The following KCNAB1 variants were observed in gnomAD, a reference collection of about 807,000 sequenced individuals.
KCNAB1 encodes potassium voltage-gated channel subfamily A regulatory beta subunit 1, also known as voltage-gated potassium channel subunit beta-1.
Under a neutral mutation model 64.6 loss-of-function variants are expected in KCNAB1, and 35 were observed. The ratio of observed to expected loss-of-function variants is 0.54; its 90% confidence interval spans 0.41 to 0.72. KCNAB1 has a LOEUF of 0.72. KCNAB1 is among the 30% of genes least tolerant of loss of function. The pLI is 0.00. For synonymous variants in KCNAB1, 177 were observed against 183.8 expected (o/e 0.96, Z 0.30); for missense variants, 401 against 512.9 (o/e 0.78, Z 2.11).
chr3:156,291,788 C>T (rs1414981896), intron 1 of KCNAB1: 6 of 1,528,388 alleles, frequency 3.9e-6, no homozygotes, highest in Non-Finnish European at 4.4e-6. Flanking sequence ...GACGGCATCC[C>T]CAGGAAGGGG....
At chr3:156,265,710 TG>T (rs1718660580) in intron 1 of KCNAB1, among the ~76,000 whole-genome samples, 1 of 152,306 alleles carries the variant, frequency 6.6e-6, no homozygotes, top group African/African-American at 2.4e-5. Context: ...CTAAAACCTG[TG>T]AGGCCGGGTG....
At chr3:156,176,887 C>A in intron 1 of KCNAB1, 1 of 1,140,250 alleles carries the variant, frequency 8.8e-7, no homozygotes. Flanking sequence ...AACTCTGGGC[C>A]TGTACGCTTC....
intron 1 of KCNAB1, among the ~76,000 whole-genome samples, chr3:156,398,683 C>A (rs1713666487): frequency 6.6e-6 from 1 of 150,406 alleles, no homozygotes; most frequent in Non-Finnish European, 1.5e-5. Flanking sequence ...ACCTATGTAA[C>A]AAACCTACAT....
chr3:156,471,076 G>C (rs1713850115), intron 7 of KCNAB1, among the ~76,000 whole-genome samples: 1 of 152,136 alleles, frequency 6.6e-6, no homozygotes, highest in Non-Finnish European at 1.5e-5. Context: ...TTGCAAGCTA[G>C]ATAGAAAAGC....
chr3:156,357,912 A>G (rs888008194), intron 1 of KCNAB1, among the ~76,000 whole-genome samples: 3 of 151,676 alleles, frequency 2.0e-5, no homozygotes, highest in South Asian at 2.1e-4. Context: ...CTAAAGTTTT[A>G]TGAGAAATCC....
chr3:156,350,366 T>A (rs1395759672), intron 1 of KCNAB1, among the ~76,000 whole-genome samples: 1 of 152,058 alleles, frequency 6.6e-6, no homozygotes, highest in African/African-American at 2.4e-5. Flanking sequence ...CTGGACAATA[T>A]AGTGAGACCC....
chr3:156,360,388 T>C (rs967911043), intron 1 of KCNAB1, among the ~76,000 whole-genome samples: 20 of 152,112 alleles, frequency 1.3e-4, no homozygotes, highest in Admixed American at 1.2e-3. Context: ...TAATGACAGA[T>C]AATTTTTCCT....
At chr3:156,359,093 G>A (rs1237037127) in intron 1 of KCNAB1, among the ~76,000 whole-genome samples, 1 of 152,188 alleles carries the variant, frequency 6.6e-6, no homozygotes, top group Non-Finnish European at 1.5e-5. Context: ...CACCATTCTA[G>A]TTTTATCCTG....
intron 1 of KCNAB1, among the ~76,000 whole-genome samples, chr3:156,334,977 C>G (rs780101280): frequency 2.3e-4 from 35 of 152,324 alleles, no homozygotes; most frequent in Middle Eastern, 6.8e-3. Flanking sequence ...CAGCCTTGCC[C>G]TTCTTTCCCA....
At chr3:156,459,433 T>C (rs1712717861) in intron 4 of KCNAB1, among the ~76,000 whole-genome samples, 1 of 152,096 alleles carries the variant, frequency 6.6e-6, no homozygotes, top group Non-Finnish European at 1.5e-5. Context: ...CAATGTGAGG[T>C]GTCATTGTTC....
intron 1 of KCNAB1, among the ~76,000 whole-genome samples, chr3:156,385,031 C>T (rs1211585972): frequency 6.6e-6 from 1 of 152,146 alleles, no homozygotes; most frequent in Non-Finnish European, 1.5e-5. Context: ...TTCTCCTAAC[C>T]AACCTCCTCA....
At chr3:156,122,836 T>A (rs1041135305) in intron 1 of KCNAB1, among the ~76,000 whole-genome samples, 8 of 152,142 alleles carry the variant, frequency 5.3e-5, no homozygotes, top group African/African-American at 1.9e-4. Context: ...TATTACAGAG[T>A]TCAATGTTTG....
intron 11 of KCNAB1, 65 bp from the exon 12 acceptor site, chr3:156,523,760 GAA>G (rs1480154121): frequency 6.9e-7 from 1 of 1,453,706 alleles, no homozygotes; most frequent in African/African-American, 1.4e-5. Context: ...ATATTTTATT[GAA>G]TTACCATTCT....
At chr3:156,525,210 C>A (rs1348701506) in intron 12 of KCNAB1, among the ~76,000 whole-genome samples, 1 of 151,732 alleles carries the variant, frequency 6.6e-6, no homozygotes, top group African/African-American at 2.4e-5. Context: ...AGGTATTCCC[C>A]AAAGAGGAAT....
chr3:156,228,708 C>T (rs2108430838), intron 1 of KCNAB1, among the ~76,000 whole-genome samples: 1 of 152,286 alleles, frequency 6.6e-6, no homozygotes, highest in East Asian at 1.9e-4. Flanking sequence ...TTTTCTTACC[C>T]TTGACCTAGG....
At chr3:156,183,190 T>C (rs188663762) in intron 1 of KCNAB1, among the ~76,000 whole-genome samples, 202 of 150,066 alleles carry the variant, frequency 1.3e-3, no homozygotes, top group African/African-American at 4.8e-3. Context: ...AGGGGTGGAG[T>C]TGGGGCATAG....
intron 1 of KCNAB1, among the ~76,000 whole-genome samples, chr3:156,314,518 T>C (rs1722146213): frequency 6.6e-6 from 1 of 152,206 alleles, no homozygotes; most frequent in African/African-American, 2.4e-5. Context: ...ACTGCCTCCA[T>C]AAGCCTACCC....
chr3:156,175,420 A>T (rs967770586), intron 1 of KCNAB1, among the ~76,000 whole-genome samples: 1 of 152,186 alleles, frequency 6.6e-6, no homozygotes, highest in African/African-American at 2.4e-5. Context: ...GGAGATCGAG[A>T]CCATCCTGGC....
chr3:156,237,874 G>A (rs1301405905), intron 1 of KCNAB1, among the ~76,000 whole-genome samples: 3 of 152,104 alleles, frequency 2.0e-5, no homozygotes, highest in Admixed American at 6.5e-5. Context: ...CACAGTGCAG[G>A]TGCCATCAGA....
Sources: allele counts gnomAD v4.1 joint callset (sites outside exome capture counted in the v4.1 genomes callset), GRCh38; gene constraint gnomAD v4.1.1; transcripts MANE v1.5; gene names NCBI Gene and HGNC (gene_info 2026-07-23, HGNC 2026-07-21).